The following SH3GL2 variants were observed in gnomAD, a reference collection of about 807,000 sequenced individuals.
SH3GL2 encodes the protein SH3 domain containing GRB2 like 2, endophilin A1, also known as endophilin-A1.
A neutral mutation model predicts 46.0 loss-of-function variants in SH3GL2; 24 were observed. The observed-to-expected ratio is 0.52, with a 90% CI of 0.38 to 0.73. The LOEUF (loss-of-function observed/expected upper bound fraction) is 0.73. SH3GL2 is among the 30% of genes least tolerant of loss of function. The probability of loss-of-function intolerance (pLI) is 0.00; values close to 1 mark genes in which losing one functional copy is unlikely to be tolerated. For missense variants in SH3GL2, 413 were observed against 424.2 expected (o/e 0.97, Z 0.23); for synonymous variants, 196 against 147.1 (o/e 1.33, Z -2.40).
intron 1 of SH3GL2, among the ~76,000 whole-genome samples, chr9:17,616,458 T>G (rs1329072381): frequency 1.3e-5 from 2 of 152,130 alleles, no homozygotes; most frequent in Non-Finnish European, 2.9e-5. Context: ...CAATATACAC[T>G]GAGCTAATGA....
chr9:17,740,278 A>T (rs886649576), intron 1 of SH3GL2, among the ~76,000 whole-genome samples: 16 of 152,144 alleles, frequency 1.1e-4, no homozygotes, highest in African/African-American at 3.9e-4. Flanking sequence ...TAAGCATTCC[A>T]ACTTAATGAC....
intron 1 of SH3GL2, among the ~76,000 whole-genome samples, chr9:17,611,570 G>T (rs981375914): frequency 2.6e-5 from 4 of 152,208 alleles, no homozygotes; most frequent in Admixed American, 6.5e-5. Flanking sequence ...CTGAGACTCT[G>T]TGACTGGTAA....
chr9:17,788,379 A>G (rs1824022804), intron 5 of SH3GL2, among the ~76,000 whole-genome samples: 1 of 152,030 alleles, frequency 6.6e-6, no homozygotes, highest in East Asian at 1.9e-4. Context: ...GCATGGACTG[A>G]GGGGCGGGGG....
At chr9:17,589,854 C>T (rs1238105393) in intron 1 of SH3GL2, 1 of 152,262 alleles carries the variant, frequency 6.6e-6, no homozygotes, top group African/African-American at 2.4e-5. Context: ...GGGCCATTGT[C>T]TGTGATCCGT....
intron 3 of SH3GL2, among the ~76,000 whole-genome samples, chr9:17,778,730 C>T (rs1275284280): frequency 6.6e-6 from 1 of 152,010 alleles, no homozygotes; most frequent in Non-Finnish European, 1.5e-5. Flanking sequence ...GTAGCTTAGA[C>T]CAGAGTGAGA....
intron 1 of SH3GL2, among the ~76,000 whole-genome samples, chr9:17,721,139 C>A (rs1194346806): frequency 1.3e-5 from 2 of 152,018 alleles, no homozygotes; most frequent in Non-Finnish European, 2.9e-5. Flanking sequence ...GGCAGCTTGG[C>A]TAAACTGACT....
chr9:17,622,363 T>TAATTTCAGTA (rs1819164375), intron 1 of SH3GL2, among the ~76,000 whole-genome samples: 1 of 152,156 alleles, frequency 6.6e-6, no homozygotes, highest in Admixed American at 6.5e-5. Flanking sequence ...GTCAGAAACC[T>TAATTTCAGTA]GCCAGGGGCA....
chr9:17,696,148 C>G (rs1160037581), intron 1 of SH3GL2, among the ~76,000 whole-genome samples: 1 of 152,120 alleles, frequency 6.6e-6, no homozygotes, highest in Non-Finnish European at 1.5e-5. Flanking sequence ...GTGGGGGCAG[C>G]TGGAGGACTC....
chr9:17,684,567 T>C (rs886508230), intron 1 of SH3GL2, among the ~76,000 whole-genome samples: 1 of 151,998 alleles, frequency 6.6e-6, no homozygotes, highest in East Asian at 1.9e-4. Flanking sequence ...GAAGAGATGA[T>C]AGTACAGTTT....
intron 1 of SH3GL2, among the ~76,000 whole-genome samples, chr9:17,711,380 T>G (rs1821617234): frequency 6.6e-6 from 1 of 151,882 alleles, no homozygotes. Context: ...TTGACATATA[T>G]ATACATCTGT....
intron 1 of SH3GL2, among the ~76,000 whole-genome samples, chr9:17,639,483 A>G (rs540473840): frequency 1.3e-5 from 2 of 152,340 alleles, no homozygotes; most frequent in South Asian, 2.1e-4. Flanking sequence ...ATGCGATACA[A>G]CTGTATACCC....
chr9:17,784,400 G>T (rs1489574805), intron 3 of SH3GL2, among the ~76,000 whole-genome samples: 1 of 152,108 alleles, frequency 6.6e-6, no homozygotes, highest in East Asian at 1.9e-4. Flanking sequence ...AAAATGGCCT[G>T]AATAGGATTT....
At chr9:17,626,818 C>T (rs573745382) in intron 1 of SH3GL2, among the ~76,000 whole-genome samples, 5 of 152,280 alleles carry the variant, frequency 3.3e-5, no homozygotes, top group African/African-American at 9.6e-5. Flanking sequence ...CTTTACCTCC[C>T]GTGTCTCTCA....
At chr9:17,627,875 A>G (rs773569866) in intron 1 of SH3GL2, among the ~76,000 whole-genome samples, 7 of 152,194 alleles carry the variant, frequency 4.6e-5, no homozygotes, top group Non-Finnish European at 4.4e-5. Flanking sequence ...TAGTGACTCA[A>G]TATAACAGTG....
intron 1 of SH3GL2, among the ~76,000 whole-genome samples, chr9:17,617,200 A>G (rs191416032): frequency 1.3e-5 from 2 of 152,330 alleles, no homozygotes; most frequent in East Asian, 1.9e-4. Context: ...GATGTATTTA[A>G]GGAATATGCT....
chr9:17,698,887 T>C (rs2118186093), intron 1 of SH3GL2, among the ~76,000 whole-genome samples: 1 of 152,278 alleles, frequency 6.6e-6, no homozygotes, highest in Non-Finnish European at 1.5e-5. Flanking sequence ...CCAGGCGCGA[T>C]GGCTCATGCC....
chr9:17,680,925 T>A (rs1217892049), intron 1 of SH3GL2, among the ~76,000 whole-genome samples: 3 of 147,828 alleles, frequency 2.0e-5, no homozygotes, highest in Non-Finnish European at 2.9e-5. Context: ...TCAGTTTCCG[T>A]GTAGTTGAGC....
At chr9:17,639,259 G>T (rs1819616508) in intron 1 of SH3GL2, among the ~76,000 whole-genome samples, 1 of 152,068 alleles carries the variant, frequency 6.6e-6, no homozygotes, top group African/African-American at 2.4e-5. Context: ...TAGATCTGGG[G>T]GAACAAGGCA....
intron 1 of SH3GL2, among the ~76,000 whole-genome samples, chr9:17,649,157 A>G (rs1247941388): frequency 2.6e-5 from 4 of 152,200 alleles, no homozygotes; most frequent in Non-Finnish European, 4.4e-5. Flanking sequence ...GTGGACAGTG[A>G]CATGATCTCA....
Sources: allele counts gnomAD v4.1 joint callset (sites outside exome capture counted in the v4.1 genomes callset), GRCh38; gene constraint gnomAD v4.1.1; transcripts MANE v1.5; gene names NCBI Gene and HGNC (gene_info 2026-07-23, HGNC 2026-07-21).